The following MFSD6 variants were observed in gnomAD, a reference collection of about 807,000 sequenced individuals.
The protein encoded by MFSD6 is major facilitator superfamily domain containing 6.
Under a neutral mutation model 56.3 loss-of-function variants are expected in MFSD6, and 26 were observed. The ratio of observed to expected loss-of-function variants is 0.46; its 90% CI spans 0.34 to 0.64. MFSD6 has a LOEUF of 0.64. Ranked by LOEUF, MFSD6 falls within the 30% of genes least tolerant of loss-of-function variation. MFSD6 has a pLI of 0.01. For missense variants in MFSD6, 750 were observed against 986.2 expected (o/e 0.76, Z 3.21); for synonymous variants, 331 against 366.9 (o/e 0.90, Z 1.12).
chr2:190,427,643 A>G (rs1281423138), intron 2 of MFSD6, among the ~76,000 whole-genome samples: 5 of 151,328 alleles, frequency 3.3e-5, no homozygotes, highest in Non-Finnish European at 5.9e-5. Context: ...TTTATATATT[A>G]TTGTCTAGGG....
rs183618617 is a variant in MFSD6 at position 190,464,317 on chromosome 2, C to G, written c.1533-5441C>G. Among the ~76,000 whole-genome samples the G allele has an allele frequency of 2.0e-5, 3 of 152,174 alleles. No individual in the cohort carries two copies. The East Asian group carries it at 5.8e-4, about 29-fold the overall frequency. ...TTTTGTTTCTCTGCCAGGGGCTTTG[C>G]AAAATGCTTGTTGCCATCAGTCATT... On this transcript the variant is annotated intron_variant, in intron 3 of 7. Transcript: ENST00000392328.
In MFSD6 at chr2:190,424,422, G is replaced by A. The variant is rs1395974870; in HGVS notation, c.-54+9009G>A. Among the ~76,000 whole-genome samples, 1 of 151,606 alleles carries A rather than the reference G, an allele frequency of 6.6e-6. No individual in the cohort carries two copies. The highest frequency in any genetic ancestry group is 2.4e-5 in the African/African-American group (1 of 41,234). ...TCTGTCTCGGCTCACTGCAACCTCCGCCTCCCAGGTTCAAGTGATTCTCCT... is the reference window on the plus strand; with the variant it reads ...TCTGTCTCGGCTCACTGCAACCTCCACCTCCCAGGTTCAAGTGATTCTCCT... On this transcript the variant is annotated intron_variant, in intron 2 of 7. Transcript: ENST00000392328. The surrounding 1 kb of genome is among the most constrained non-coding windows in gnomAD (Gnocchi z 5.9).
chr2:190,411,993 C>T (rs1690581637), intron 1 of MFSD6: 2 of 985,204 alleles, frequency 2.0e-6, no homozygotes, highest in African/African-American at 3.5e-5. Context: ...CCTGCTGTGT[C>T]ATCTCATGAA....
In MFSD6 at chr2:190,436,424, A is replaced by G; in HGVS notation, c.395A>G (p.Lys132Arg). The G allele has an allele frequency of 6.2e-7, 1 of 1,614,138 alleles. No individual in the cohort carries two copies. Among genetic ancestry groups the G allele is most frequent in the African/African-American group, 1.3e-5 (1 of 75,012 alleles). ...GTTGCAGACCGCTTTAAAAAAGGCA[A>G]AATTGTCCTCCTCTTTTCTCTTTTG... Reference protein sequence around the residue: ...GVVADRFKKGKIVLLFSLLCW... With the variant: ...GVVADRFKKGRIVLLFSLLCW... The change falls in exon 3 of 8, where the codon AAA becomes AGA. Residue 132 changes from lysine to arginine, a missense_variant. Lys to Arg is a conservative substitution (Grantham distance 26). Coordinates refer to ENST00000392328, the MANE Select transcript of MFSD6 (RefSeq NM_017694.4). This position sits in a 1 kb window ranked among gnomAD's most constrained non-coding sequence, Gnocchi z 5.3.
rs544591315 is a variant in MFSD6 at position 190,482,903 on chromosome 2, T to TTTTTTTTTTTTTTTTG, written c.1631-5754_1631-5753insTTTTTTTTTTTTTTTG. On this transcript the variant is annotated intron_variant, in intron 4 of 7. Coordinates refer to ENST00000392328, the MANE Select transcript of MFSD6 (RefSeq NM_017694.4). ...TTTTTTTTTTTTTTTTTTTTTTTTTTAGACGGAGTCTCACTCTGTCGCCCA... is the reference window on the plus strand; with the variant it reads ...TTTTTTTTTTTTTTTTTTTTTTTTTTTTTTTTTTTTTTTTTGAGACGGAGTCTCACTCTGTCGCCCA... Among the ~76,000 whole-genome samples, 322 of 86,230 alleles carry TTTTTTTTTTTTTTTTG rather than the reference T, an allele frequency of 3.7e-3. 124 individuals are homozygous for TTTTTTTTTTTTTTTTG. The highest frequency in any genetic ancestry group is 8.6e-3 in the East Asian group (21 of 2,440). The allele number at this position is 86,230 out of a possible 152,430, so 56.6% of individuals were successfully genotyped here. A position where few individuals can be genotyped will look rare whatever the true frequency, so the allele number is the denominator to read the frequency against.
At position 190,467,321 on chromosome 2, in the gene MFSD6, C is replaced by T. The variant is rs75358376; in HGVS notation, c.1533-2437C>T. The stretch of plus-strand genomic sequence containing the variant: ...TTACCATGGTAAATCTGATGTCCAG[C>T]CAAGGTTAAGAATTAAGGAGCTGGC... On this transcript the variant is annotated intron_variant, in intron 3 of 7. Transcript: ENST00000392328. This position sits in a 1 kb window ranked among gnomAD's most constrained non-coding sequence, Gnocchi z 5.5. Among the ~76,000 whole-genome samples, 26 of 152,232 alleles carry T rather than the reference C, an allele frequency of 1.7e-4. No homozygotes were observed. Among genetic ancestry groups the T allele is most frequent in the Middle Eastern group, 3.4e-3 (1 of 294 alleles).
chr2:190,462,786 ACTGTCAGCC>A lies in MFSD6; in HGVS notation c.1533-6968_1533-6960del, dbSNP rs768952643. Among the ~76,000 whole-genome samples, 4 of 152,192 alleles carry A rather than the reference ACTGTCAGCC, an allele frequency of 2.6e-5. No homozygotes were observed. Among genetic ancestry groups the A allele is most frequent in the Admixed American group, 1.3e-4 (2 of 15,278 alleles). ...ATATCTTGGAAAAAGGGAGAGAGAT[ACTGTCAGCC>A]CTGCTACTTCTAGATAAGCACTTGG... On this transcript the variant is annotated intron_variant, in intron 3 of 7. Coordinates refer to ENST00000392328, the MANE Select transcript of MFSD6 (RefSeq NM_017694.4). This position sits in a 1 kb window ranked among gnomAD's most constrained non-coding sequence, Gnocchi z 5.7.
chr2:190,435,992 TC>T lies in MFSD6; in HGVS notation c.-37del. 1.3e-6 allele frequency: 2 copies of T among 1,569,646 alleles called. No homozygotes were observed. Among genetic ancestry groups the T allele is most frequent in the Admixed American group, 1.9e-5 (1 of 52,230 alleles). On this transcript the variant is annotated 5_prime_UTR_variant, in exon 3 of 8. Transcript: ENST00000392328. ...TACTTTACAGATCAACAGTACAAAT[TC>T]TGAAGTTTGTAAACTTGCTGATGGT... is the stretch of plus-strand genomic sequence containing the variant.
chr2:190,482,336 G>C lies in MFSD6; in HGVS notation c.1631-6321G>C, dbSNP rs530147326. Among the ~76,000 whole-genome samples, 5 of 151,698 alleles carry C rather than the reference G, an allele frequency of 3.3e-5. No individual in the cohort carries two copies. The South Asian group carries it at 1.0e-3, about 32-fold the overall frequency. Reference sequence around the variant, plus strand: ...TTCTTTTATTGCCTGCCCAATGGAGGCCTTTCCTTAGGAAGAATAGTCTCT... The same window carrying C: ...TTCTTTTATTGCCTGCCCAATGGAGCCCTTTCCTTAGGAAGAATAGTCTCT... On this transcript the variant is annotated intron_variant, in intron 4 of 7. Transcript: ENST00000392328.
At chr2:190,478,645 C>T (rs548703248) in intron 4 of MFSD6, among the ~76,000 whole-genome samples, 14 of 152,094 alleles carry the variant, frequency 9.2e-5, no homozygotes, top group Admixed American at 3.9e-4. Flanking sequence ...GAGGACAAGC[C>T]CACTCTCACA....
Position 190,451,211 on chromosome 2 carries a change from G to A in MFSD6, c.1532+13650G>A, listed in dbSNP as rs1686764448. 6.6e-6 allele frequency among the ~76,000 whole-genome samples: 1 copy of A among 152,286 alleles called. No homozygotes were observed. The highest frequency in any genetic ancestry group is 1.5e-5 in the Non-Finnish European group (1 of 68,014). ...AGATTCAAATCCCACACTTAGTCCTGTCTAACATTGGATAAGTCAGTAATT... is the reference window on the plus strand; with the variant it reads ...AGATTCAAATCCCACACTTAGTCCTATCTAACATTGGATAAGTCAGTAATT... On this transcript the variant is annotated intron_variant, in intron 3 of 7. Coordinates refer to ENST00000392328, the MANE Select transcript of MFSD6 (RefSeq NM_017694.4). This position sits in a 1 kb window ranked among gnomAD's most constrained non-coding sequence, Gnocchi z 5.0.
chr2:190,468,319 C>G (rs1687713710), intron 3 of MFSD6, among the ~76,000 whole-genome samples: 1 of 152,174 alleles, frequency 6.6e-6, no homozygotes, highest in African/African-American at 2.4e-5. Flanking sequence ...CATCCACACC[C>G]TTCAACTTTT....
Position 190,437,173 on chromosome 2 carries a change from G to T in MFSD6, c.1144G>T (p.Ala382Ser), listed in dbSNP as rs780467997. 1.2e-6 allele frequency: 2 copies of T among 1,614,086 alleles called. No individual in the cohort carries two copies. The highest frequency in any genetic ancestry group is 1.3e-5 in the African/African-American group (1 of 74,926). The change falls in exon 3 of 8, where the codon GCC becomes TCC. Residue 382 changes from alanine (A) to serine (S), a missense_variant. Coordinates refer to ENST00000392328, the MANE Select transcript of MFSD6 (RefSeq NM_017694.4). The surrounding 1 kb of genome is among the most constrained non-coding windows in gnomAD (Gnocchi z 5.9). ...CGTCTTCGGCGTTCTCATGACCATG[G>T]CCTTGATCGTTGCCACTCAGTTCCG... ...FIVFGVLMTM[A>S]LIVATQFRFR...
At position 190,418,810 on chromosome 2, in the gene MFSD6, G is replaced by A. The variant is rs1690896962; in HGVS notation, c.-54+3397G>A. 1.3e-5 allele frequency among the ~76,000 whole-genome samples: 2 copies of A among 152,330 alleles called. 1 individual carries two copies. Among genetic ancestry groups the A allele is most frequent in the East Asian group, 3.9e-4 (2 of 5,180 alleles). On this transcript the variant is annotated intron_variant, in intron 2 of 7. Transcript: ENST00000392328. This position sits in a 1 kb window ranked among gnomAD's most constrained non-coding sequence, Gnocchi z 4.1. ...AAGGGTGCCAGGTTCTAGTTTCTGG[G>A]AGGAGTTTCAATCCCAGTGGAATGC...
rs1689376498 is a variant in MFSD6, at chr2:190,491,822, C to CAA, written c.1891+1956_1891+1957insAA. 6.6e-6 allele frequency among the ~76,000 whole-genome samples: 1 copy of CAA among 152,064 alleles called. No homozygotes were observed. The highest frequency in any genetic ancestry group is 2.4e-5 in the African/African-American group (1 of 41,406). ...AAACCAAGAAGAAATCTCTGACTTC[C>CAA]CTGAAAAAGAATTCAGAAGGTCCAT... On this transcript the variant is annotated intron_variant, in intron 6 of 7. Coordinates refer to ENST00000392328, the MANE Select transcript of MFSD6 (RefSeq NM_017694.4). The surrounding 1 kb of genome is among the most constrained non-coding windows in gnomAD (Gnocchi z 4.2).
Position 190,469,719 on chromosome 2 carries a change from CT to C in MFSD6, c.1533-31del, listed in dbSNP as rs777569268. 27 of 1,178,878 alleles carry C rather than the reference CT, an allele frequency of 2.3e-5. No homozygotes were observed. Among genetic ancestry groups the C allele is most frequent in the South Asian group, 8.6e-5 (4 of 46,256 alleles). The allele number at this position is 1,178,878 out of a possible 1,614,324, so 73.0% of individuals were successfully genotyped here. On this transcript the variant is annotated intron_variant, in intron 3 of 7. Transcript: ENST00000392328. This position sits in a 1 kb window ranked among gnomAD's most constrained non-coding sequence, Gnocchi z 5.3. The stretch of plus-strand genomic sequence containing the variant: ...TAGGGACTCAGTTTATTTTCCTTTG[CT>C]TTTTTTTATTTTATTTTTATTTTTT...
rs1686449600 is a variant in MFSD6 at position 190,443,258 on chromosome 2, C to A, written c.1532+5697C>A. Among the ~76,000 whole-genome samples, 1 of 152,078 alleles carries A rather than the reference C, an allele frequency of 6.6e-6. No homozygotes were observed. The highest frequency in any genetic ancestry group is 6.6e-5 in the Admixed American group (1 of 15,256). The stretch of plus-strand genomic sequence containing the variant: ...TACGAGCAGAGGCTGAGTCAGATTG[C>A]CTGGCTCTGCAACTTGGAACTATAT... On this transcript the variant is annotated intron_variant, in intron 3 of 7. Transcript: ENST00000392328. The surrounding 1 kb of genome is among the most constrained non-coding windows in gnomAD (Gnocchi z 4.2).
At position 190,463,947 on chromosome 2, in the gene MFSD6, CTG is replaced by C. The variant is rs1280566569; in HGVS notation, c.1533-5808_1533-5807del. On this transcript the variant is annotated intron_variant, in intron 3 of 7. Coordinates refer to ENST00000392328, the MANE Select transcript of MFSD6 (RefSeq NM_017694.4). This position sits in a 1 kb window ranked among gnomAD's most constrained non-coding sequence, Gnocchi z 4.4. ...GTTTATATATGAGGCAGACTGTAGA[CTG>C]TGCTCCAGGGATCTGGTGTCAACAA... The C allele has an allele frequency of 2.1e-6, 2 of 946,996 alleles. No individual in the cohort carries two copies. The highest frequency in any genetic ancestry group is 2.3e-4 in the East Asian group (2 of 8,640). 58.7% of individuals were successfully genotyped at this position (946,996 alleles called of 1,614,324 possible).
Position 190,471,342 on chromosome 2 carries a change from C to T in MFSD6, c.1630+1487C>T, listed in dbSNP as rs969623209. 3.3e-5 allele frequency among the ~76,000 whole-genome samples: 5 copies of T among 152,150 alleles called. No homozygotes were observed. Among genetic ancestry groups the T allele is most frequent in the African/African-American group, 4.8e-5 (2 of 41,438 alleles). On this transcript the variant is annotated intron_variant, in intron 4 of 7. Coordinates refer to ENST00000392328, the MANE Select transcript of MFSD6 (RefSeq NM_017694.4). This position sits in a 1 kb window ranked among gnomAD's most constrained non-coding sequence, Gnocchi z 4.7. ...GGGTCAGGGAATTCCCTTTCCTAGCCGAGGAAAGGGGTGAGAGATGGCACC... is the reference window on the plus strand; with the variant it reads ...GGGTCAGGGAATTCCCTTTCCTAGCTGAGGAAAGGGGTGAGAGATGGCACC...
Sources: allele counts gnomAD v4.1 joint callset (sites outside exome capture counted in the v4.1 genomes callset), GRCh38; gene constraint gnomAD v4.1.1; non-coding constraint Gnocchi (gnomAD v3.1); transcripts MANE v1.5; gene names NCBI Gene and HGNC (gene_info 2026-07-23, HGNC 2026-07-21).